SMC5: variants seen among roughly 807,000 people sequenced by gnomAD.
The protein encoded by SMC5 is structural maintenance of chromosomes 5.
A neutral mutation model predicts 148.3 loss-of-function variants in SMC5; 88 were observed. The observed-to-expected ratio is 0.59, with a 90% CI of 0.50 to 0.71. SMC5 has a LOEUF of 0.71. SMC5 is among the 30% of genes least tolerant of loss of function. SMC5 has a pLI of 0.00. For synonymous variants in SMC5, 421 were observed against 432.8 expected, an observed-to-expected ratio of 0.97 and a Z score of 0.34; for missense variants, 1,142 against 1,298.9, an observed-to-expected ratio of 0.88 and a Z score of 1.86.
chr9:70,305,382 A>G (rs1328913474), intron 11 of SMC5, 22 bp downstream of exon 11: 2 of 1,293,034 alleles, frequency 1.5e-6, no homozygotes, highest in Non-Finnish European at 2.2e-6. Context: ...CCAACACAAC[A>G]CTTTGATTCA....
At chr9:70,348,173 G>A in intron 22 of SMC5, 135 bp downstream of exon 22, 1 of 867,020 alleles carries the variant, frequency 1.2e-6, no homozygotes, top group Admixed American at 3.7e-5. Flanking sequence ...TGAAAGAAAG[G>A]AGAAAACCAC....
intron 8 of SMC5, among the ~76,000 whole-genome samples, chr9:70,297,583 TTATTATTTA>T (rs2035235827): frequency 6.6e-6 from 1 of 152,222 alleles, no homozygotes; most frequent in African/African-American, 2.4e-5. Context: ...ATTATCATTT[TTATTATTTA>T]TGGAAACTGT....
At chr9:70,344,629 A>G (rs926319666) in intron 18 of SMC5, 1 of 152,162 alleles carries the variant, frequency 6.6e-6, no homozygotes, top group African/African-American at 2.4e-5. Context: ...GGGGTGTTTA[A>G]TTAGGGTTCA....
At chr9:70,346,972 G>C (rs914274889) in intron 19 of SMC5, 94 bp from the exon 20 acceptor site, 65 of 892,818 alleles carry the variant, frequency 7.3e-5, no homozygotes, top group Non-Finnish European at 1.1e-4. Flanking sequence ...CTGTTGAACA[G>C]ATAGATAACT....
At chr9:70,279,907 C>T (rs1180808823) in intron 5 of SMC5, among the ~76,000 whole-genome samples, 2 of 151,138 alleles carry the variant, frequency 1.3e-5, no homozygotes, top group Non-Finnish European at 2.9e-5. Flanking sequence ...CATTGTGTCA[C>T]AGGGGTTTGG....
chr9:70,277,213 A>G (rs1306591658), intron 3 of SMC5, 97 bp from the exon 4 acceptor site: 43 of 933,206 alleles, frequency 4.6e-5, no homozygotes, highest in Admixed American at 8.0e-5. Context: ...TAATAATTCT[A>G]TCTGGCACCT....
chr9:70,320,145 A>AAGTGCTTTTCC (rs1434328270), intron 15 of SMC5, among the ~76,000 whole-genome samples: 1 of 152,252 alleles, frequency 6.6e-6, no homozygotes, highest in Non-Finnish European at 1.5e-5. Flanking sequence ...TTAGTCACAC[A>AAGTGCTTTTCC]AGTGCTTTTC....
intron 19 of SMC5, 134 bp from the exon 20 acceptor site, chr9:70,346,932 T>C (rs2036679980): frequency 1.4e-6 from 1 of 729,096 alleles, no homozygotes; most frequent in African/African-American, 1.8e-5. Context: ...CCCTGTTTAT[T>C]ATTCCTTTGT....
At chr9:70,297,114 A>G (rs1033380149) in intron 8 of SMC5, among the ~76,000 whole-genome samples, 4 of 152,238 alleles carry the variant, frequency 2.6e-5, no homozygotes, top group Non-Finnish European at 5.9e-5. Context: ...GAATGTTTGC[A>G]TATACATAAT....
intron 8 of SMC5, among the ~76,000 whole-genome samples, chr9:70,296,047 G>A (rs1434278005): frequency 6.6e-6 from 1 of 152,066 alleles, no homozygotes; most frequent in Non-Finnish European, 1.5e-5. Flanking sequence ...TTTGGTTATA[G>A]GAGAGAGGAT....
rs199684583 is a variant in SMC5, at chr9:70,259,927, CTTT to C, written c.185+679_185+681del. ...ACCTTCCAGTTCATTTGTTCCAGGT[CTTT>C]TTTTTTTTTTTTTTCCTCTTTTTTT... is the stretch of plus-strand genomic sequence containing the variant. On this transcript the variant is annotated intron_variant, in intron 1 of 24. Coordinates refer to ENST00000361138, the MANE Select transcript of SMC5 (RefSeq NM_015110.4). Among the ~76,000 whole-genome samples the C allele has an allele frequency of 4.7e-3, 633 of 133,714 alleles. 7 individuals carry two copies. Among genetic ancestry groups the C allele is most frequent in the African/African-American group, 0.016 (578 of 36,114 alleles). 87.7% of individuals were successfully genotyped at this position (133,714 alleles called of 152,430 possible).
Position 70,297,965 on chromosome 9 carries a change from G to C in SMC5, c.1054-1G>C. On this transcript the variant is annotated splice_acceptor_variant, in intron 8 of 24. Transcript: ENST00000361138. LOFTEE classifies it high-confidence loss of function. ...GTACTAACCTACTTTTGTTTTATTA[G>C]ATTGAGGAACTTCAGCAGGCTTTAA... 7 of 1,610,378 alleles carry C rather than the reference G, an allele frequency of 4.3e-6. No homozygotes were observed. Among genetic ancestry groups the C allele is most frequent in the Non-Finnish European group, 5.9e-6 (7 of 1,179,026 alleles).
intron 11 of SMC5, among the ~76,000 whole-genome samples, chr9:70,310,563 T>G (rs1195309471): frequency 6.6e-6 from 1 of 152,200 alleles, no homozygotes; most frequent in African/African-American, 2.4e-5. Flanking sequence ...TAGGATTTTT[T>G]GGAATGGTTA....
chr9:70,319,448 A>T (rs867640245), intron 15 of SMC5, among the ~76,000 whole-genome samples: 167 of 152,254 alleles, frequency 1.1e-3, no homozygotes, highest in African/African-American at 3.8e-3. Flanking sequence ...AGATTTCTTT[A>T]GTTGAAGTCA....
intron 18 of SMC5, among the ~76,000 whole-genome samples, chr9:70,345,612 G>A (rs2036646903): frequency 6.6e-6 from 1 of 151,972 alleles, no homozygotes; most frequent in African/African-American, 2.4e-5. Flanking sequence ...GGATGTTTCA[G>A]AATAAAAGGA....
intron 13 of SMC5, among the ~76,000 whole-genome samples, chr9:70,317,203 A>G (rs1340934994): frequency 6.6e-6 from 1 of 152,122 alleles, no homozygotes; most frequent in East Asian, 1.9e-4. Context: ...TGGCTAGATA[A>G]TGGCAATAAT....
intron 3 of SMC5, among the ~76,000 whole-genome samples, chr9:70,272,363 T>G (rs1363085544): frequency 6.6e-6 from 1 of 152,162 alleles, no homozygotes; most frequent in Admixed American, 6.5e-5. Context: ...TGTTAAAATG[T>G]TTTTTTAAAA....
chr9:70,349,010 T>G (rs544873242), intron 22 of SMC5, among the ~76,000 whole-genome samples: 1 of 152,354 alleles, frequency 6.6e-6, no homozygotes, highest in South Asian at 2.1e-4. Flanking sequence ...CTCAGTACTA[T>G]CTTAGACCTT....
chr9:70,269,752 A>G (rs1014340464), intron 3 of SMC5, among the ~76,000 whole-genome samples: 13 of 152,220 alleles, frequency 8.5e-5, no homozygotes, highest in Non-Finnish European at 1.5e-4. Context: ...AGTTGTAAAT[A>G]AGATTTTTGT....
Sources: gnomAD v4.1 joint callset for allele counts (sites outside exome capture counted in the v4.1 genomes callset) on GRCh38, gnomAD v4.1.1 for gene constraint, MANE v1.5 for transcripts, NCBI Gene and HGNC (gene_info 2026-07-23, HGNC 2026-07-21) for gene names.